The following WDPCP variants were observed in gnomAD, a reference collection of about 807,000 sequenced individuals.
WDPCP encodes the protein WD repeat-containing and planar cell polarity effector protein fritz homolog.
A neutral mutation model predicts 93.1 loss-of-function variants in WDPCP; 71 were observed. That is an observed-to-expected ratio of 0.76 (90% CI 0.63 to 0.93). The LOEUF is 0.93. Ranked by LOEUF, WDPCP falls within the 40% of genes least tolerant of loss-of-function variation. The pLI, the probability that WDPCP is intolerant of heterozygous loss-of-function variation, is 0.00. For synonymous variants in WDPCP, 315 were observed against 315.0 expected (o/e 1.00, Z 0.00); for missense variants, 844 against 887.4 (o/e 0.95, Z 0.62).
intron 14 of WDPCP, among the ~76,000 whole-genome samples, chr2:63,225,707 A>C (rs1678236597): frequency 6.6e-6 from 1 of 151,922 alleles, no homozygotes; most frequent in South Asian, 2.1e-4. Flanking sequence ...ACATAATAGT[A>C]ATAAAATTAT....
At chr2:63,814,072 T>C (rs58169051) in intron 1 of WDPCP, among the ~76,000 whole-genome samples, 15,796 of 152,060 alleles carry the variant, frequency 0.1, 1,377 homozygotes, top group African/African-American at 0.24. Context: ...AACAAAGGGG[T>C]GGATGTATAC....
At chr2:63,197,309 G>A (rs906570272) in intron 14 of WDPCP, among the ~76,000 whole-genome samples, 1 of 152,086 alleles carries the variant, frequency 6.6e-6, no homozygotes, top group African/African-American at 2.4e-5. Context: ...TAAGAAGATA[G>A]TATATAATAT....
chr2:63,155,032 T>C (rs569657973), intron 15 of WDPCP, among the ~76,000 whole-genome samples: 10 of 152,328 alleles, frequency 6.6e-5, no homozygotes, highest in African/African-American at 2.4e-4. Context: ...GTATATATTC[T>C]GGATACAACT....
intron 9 of WDPCP, among the ~76,000 whole-genome samples, chr2:63,425,301 T>C (rs1234803157): frequency 6.6e-6 from 1 of 152,136 alleles, no homozygotes; most frequent in Non-Finnish European, 1.5e-5. Context: ...CACAAGAACT[T>C]TGGTGATTCA....
chr2:63,798,749 A>G (rs1670649059), intron 2 of WDPCP, among the ~76,000 whole-genome samples: 1 of 152,128 alleles, frequency 6.6e-6, no homozygotes, highest in Non-Finnish European at 1.5e-5. Context: ...GAACGTAAAT[A>G]GACTAAACTC....
intron 1 of WDPCP, among the ~76,000 whole-genome samples, chr2:63,493,650 A>G (rs1274405392): frequency 6.6e-6 from 1 of 151,860 alleles, no homozygotes; most frequent in African/African-American, 2.4e-5. Context: ...TTTTTAATCA[A>G]GTACTACCTC....
intron 2 of WDPCP, among the ~76,000 whole-genome samples, chr2:63,719,298 A>C (rs2103780360): frequency 6.6e-6 from 1 of 152,304 alleles, no homozygotes. Context: ...GGCAGCCAGA[A>C]CCCTGGGTGG....
At chr2:63,412,448 T>C (rs1314758057) in intron 9 of WDPCP, among the ~76,000 whole-genome samples, 1 of 152,054 alleles carries the variant, frequency 6.6e-6, no homozygotes, top group Non-Finnish European at 1.5e-5. Context: ...AAGTTGAAAG[T>C]ATTCCCTCTG....
intron 2 of WDPCP, among the ~76,000 whole-genome samples, chr2:63,714,965 G>A (rs60746057): frequency 0.39 from 59,754 of 152,164 alleles, 12,898 homozygotes; most frequent in African/African-American, 0.57. Flanking sequence ...ATATGTATAC[G>A]ATAGAATATT....
intron 17 of WDPCP, among the ~76,000 whole-genome samples, chr2:63,127,312 A>G (rs954765100): frequency 6.6e-6 from 1 of 151,550 alleles, no homozygotes; most frequent in Non-Finnish European, 1.5e-5. Context: ...TTTAGTAGAG[A>G]CGGGGTTTCA....
chr2:63,509,429 A>C (rs1430782278), intron 1 of WDPCP, among the ~76,000 whole-genome samples: 2 of 152,236 alleles, frequency 1.3e-5, no homozygotes, highest in Non-Finnish European at 2.9e-5. Flanking sequence ...GACACAGCTA[A>C]ACCAGTGTTT....
At position 63,384,223 on chromosome 2, in the gene WDPCP, G is replaced by C. The variant is rs776362657; in HGVS notation, c.1436-2129C>G. On this transcript the variant is annotated intron_variant, in intron 10 of 17. Coordinates refer to ENST00000272321, the MANE Select transcript of WDPCP (RefSeq NM_015910.7). ...TATAGAAAAATCAATGAATTCAACA[G>C]CTTGTTCTTTGAGAAGATCAGTAAA... Among the ~76,000 whole-genome samples, 4 of 152,048 alleles carry C rather than the reference G, an allele frequency of 2.6e-5. No individual in the cohort carries two copies. In the East Asian group the frequency reaches 7.7e-4, roughly 29 times the overall value.
At chr2:63,592,970 C>T (rs1367843975), upstream of WDPCP, among the ~76,000 whole-genome samples, 1 of 151,160 alleles carries the variant, frequency 6.6e-6, no homozygotes, top group African/African-American at 2.4e-5. Context: ...GAATGAAAAA[C>T]GTGTAGGCCA....
chr2:63,466,472 C>G (rs1699351910), intron 6 of WDPCP, among the ~76,000 whole-genome samples: 1 of 152,070 alleles, frequency 6.6e-6, no homozygotes, highest in Non-Finnish European at 1.5e-5. Context: ...ACCTTAGATG[C>G]TTAGTTTATA....
At chr2:63,736,970 ATATATTACCT>A (rs1395668567) in intron 2 of WDPCP, among the ~76,000 whole-genome samples, 1 of 152,132 alleles carries the variant, frequency 6.6e-6, no homozygotes, top group Non-Finnish European at 1.5e-5. Context: ...AAAAAAAACC[ATATATTACCT>A]TATAGACTCA....
Position 63,437,390 on chromosome 2 carries a change from A to T in WDPCP, c.633+31T>A, listed in dbSNP as rs565759881. ...ATACTCTCATATACCTTAATAATTA[A>T]TAATATGACTATATAAATCAAAATC... On this transcript the variant is annotated intron_variant, in intron 8 of 17. Coordinates refer to ENST00000272321, the MANE Select transcript of WDPCP (RefSeq NM_015910.7). 2.0e-5 allele frequency: 31 copies of T among 1,516,706 alleles called. No homozygotes were observed. The South Asian group carries it at 3.3e-4, about 16-fold the overall frequency. 94.0% of individuals were successfully genotyped at this position (1,516,706 alleles called of 1,614,324 possible). A position where few individuals can be genotyped will look rare whatever the true frequency, so the allele number is the denominator to read the frequency against.
At chr2:63,417,917 T>C (rs770616520) in intron 9 of WDPCP, among the ~76,000 whole-genome samples, 7 of 151,802 alleles carry the variant, frequency 4.6e-5, no homozygotes, top group African/African-American at 7.2e-5. Context: ...TGGCAATCAA[T>C]AGAAGAAAAT....
intron 14 of WDPCP, among the ~76,000 whole-genome samples, chr2:63,243,584 A>C (rs1350120002): frequency 3.3e-5 from 5 of 152,128 alleles, no homozygotes; most frequent in Non-Finnish European, 7.3e-5. Flanking sequence ...ACAGACTTTA[A>C]ACCAGCAAGC....
intron 1 of WDPCP, among the ~76,000 whole-genome samples, chr2:63,520,284 A>G (rs563793007): frequency 6.6e-6 from 1 of 152,228 alleles, no homozygotes; most frequent in Non-Finnish European, 1.5e-5. Flanking sequence ...AAAGGGAGGA[A>G]GGGAAACCTA....
Sources: gnomAD v4.1 joint callset for allele counts (sites outside exome capture counted in the v4.1 genomes callset) on GRCh38, gnomAD v4.1.1 for gene constraint, MANE v1.5 for transcripts, NCBI Gene and HGNC (gene_info 2026-07-23, HGNC 2026-07-21) for gene names.